The following PTPRD variants were observed in gnomAD, a reference collection of about 807,000 sequenced individuals.
The protein encoded by PTPRD is protein tyrosine phosphatase receptor type D.
In PTPRD, 34 loss-of-function variants were observed where a neutral mutation model predicts 214.5. That is an observed-to-expected ratio of 0.16 (90% CI 0.12 to 0.21). The LOEUF (loss-of-function observed/expected upper bound fraction) is 0.21. PTPRD is among the 10% of genes least tolerant of loss of function. The probability of loss-of-function intolerance (pLI) is 1.00; values close to 1 mark genes in which losing one functional copy is unlikely to be tolerated. For missense variants in PTPRD, 2,545 were observed against 2,398.7 expected, an observed-to-expected ratio of 1.06 and a Z score of -1.27; for synonymous variants, 1,128 against 845.7, an observed-to-expected ratio of 1.33 and a Z score of -5.79.
intron 9 of PTPRD, among the ~76,000 whole-genome samples, chr9:9,380,298 A>T (rs952958297): frequency 2.0e-5 from 3 of 152,102 alleles, no homozygotes; most frequent in African/African-American, 7.2e-5. Flanking sequence ...AAATATATTT[A>T]AAATTGTCTT....
chr9:10,557,421 T>C (rs1477609684), intron 2 of PTPRD, among the ~76,000 whole-genome samples: 1 of 152,150 alleles, frequency 6.6e-6, no homozygotes. Context: ...ACCTTTCTCT[T>C]TCATTGTTAT....
intron 2 of PTPRD, among the ~76,000 whole-genome samples, chr9:10,574,895 T>C (rs1472017248): frequency 6.6e-6 from 1 of 151,114 alleles, no homozygotes; most frequent in Non-Finnish European, 1.5e-5. Context: ...CCTTTTCCCA[T>C]TTGTCTACAA....
intron 2 of PTPRD, among the ~76,000 whole-genome samples, chr9:10,395,565 G>A (rs1274040130): frequency 6.6e-6 from 1 of 151,896 alleles, no homozygotes; most frequent in Non-Finnish European, 1.5e-5. Flanking sequence ...GAAATAAGAT[G>A]ATTATTGACC....
At chr9:9,020,608 A>G (rs1466626024) in intron 10 of PTPRD, among the ~76,000 whole-genome samples, 1 of 152,148 alleles carries the variant, frequency 6.6e-6, no homozygotes, top group Non-Finnish European at 1.5e-5. Flanking sequence ...AAAGACTGAG[A>G]ATATAATAAG....
chr9:10,246,474 C>T (rs2092123018), intron 3 of PTPRD, among the ~76,000 whole-genome samples: 1 of 152,146 alleles, frequency 6.6e-6, no homozygotes, highest in Non-Finnish European at 1.5e-5. Context: ...CAACTCTTGA[C>T]CTCAGGTGAT....
Position 8,404,655 on chromosome 9 carries a change from A to C in PTPRD, c.4092T>G (p.Ile1364Met), listed in dbSNP as rs1046611880. The C allele has an allele frequency of 2.5e-6, 4 of 1,609,142 alleles. No individual in the cohort carries two copies. The African/African-American group carries it at 5.3e-5, about 21-fold the overall frequency. Residue 1364 changes from isoleucine to methionine, a missense_variant, in exon 36 of 46, where the codon ATT becomes ATG. Transcript: ENST00000381196. ...CCCAAGTGAACTGCTGGCCAGGGTC[A>C]ATTGACTTTAAAAGGAAAACAACAC... The part of the protein sequence containing the change: ...NLKFSQEYES[I>M]DPGQQFTWEH...
rs146741099 is a variant in PTPRD, at chr9:8,809,834, A to G, written c.-103-75888T>C. ...CTACAAGTCTCTCCTTCTTAAAACA[A>G]TAATTGTAAGCCTTTATTCTTCACC... is the stretch of plus-strand genomic sequence containing the variant. On this transcript the variant is annotated intron_variant, in intron 11 of 45. Transcript: ENST00000381196. 6.6e-4 allele frequency among the ~76,000 whole-genome samples: 100 copies of G among 152,348 alleles called. 1 individual carries two copies. The highest frequency in any genetic ancestry group is 2.3e-3 in the African/African-American group (94 of 41,588).
intron 4 of PTPRD, among the ~76,000 whole-genome samples, chr9:9,971,698 T>C (rs748767018): frequency 1.4e-4 from 21 of 152,200 alleles, no homozygotes; most frequent in Admixed American, 1.3e-4. Flanking sequence ...GCTGTGCAAA[T>C]AGCACCACCA....
rs529867690 is a variant in PTPRD, at chr9:9,378,344, T to C, written c.-203+19105A>G. On this transcript the variant is annotated intron_variant, in intron 9 of 45. Coordinates refer to ENST00000381196, the MANE Select transcript of PTPRD (RefSeq NM_002839.4). Reference sequence around the variant, plus strand: ...ACACATTTAAGTTTCTCCTTGTCTTTTCATAGCTTGACAGATCATTTCTTT... The same window carrying C: ...ACACATTTAAGTTTCTCCTTGTCTTCTCATAGCTTGACAGATCATTTCTTT... Among the ~76,000 whole-genome samples the C allele has an allele frequency of 2.0e-5, 3 of 152,288 alleles. No homozygotes were observed. In the South Asian group the frequency reaches 6.2e-4, roughly 32 times the overall value.
chr9:9,443,676 G>A (rs140840868), intron 8 of PTPRD, among the ~76,000 whole-genome samples: 16 of 152,054 alleles, frequency 1.1e-4, no homozygotes, highest in Admixed American at 5.9e-4. Context: ...CCCTCTAGCT[G>A]TTCTCACCAA....
intron 5 of PTPRD, among the ~76,000 whole-genome samples, chr9:9,806,379 C>T (rs1367832827): frequency 2.0e-5 from 3 of 152,136 alleles, no homozygotes; most frequent in Non-Finnish European, 4.4e-5. Context: ...ATGACATTCC[C>T]CCGCCTTTCT....
At chr9:9,488,824 A>G (rs903966966) in intron 8 of PTPRD, among the ~76,000 whole-genome samples, 2 of 152,120 alleles carry the variant, frequency 1.3e-5, no homozygotes, top group African/African-American at 4.8e-5. Flanking sequence ...CCCTAGCCAC[A>G]CTGCAAGCAG....
At chr9:9,588,275 A>T (rs2092317325) in intron 7 of PTPRD, among the ~76,000 whole-genome samples, 1 of 151,902 alleles carries the variant, frequency 6.6e-6, no homozygotes, top group South Asian at 2.1e-4. Context: ...CGTCTTCATA[A>T]ATGACCTGCT....
chr9:10,421,337 T>C (rs972072194), intron 2 of PTPRD, among the ~76,000 whole-genome samples: 1 of 151,916 alleles, frequency 6.6e-6, no homozygotes, highest in African/African-American at 2.4e-5. Flanking sequence ...TTATTCTTAT[T>C]TCTACTGTAA....
At chr9:10,328,421 T>G (rs570823179) in intron 3 of PTPRD, among the ~76,000 whole-genome samples, 56 of 151,778 alleles carry the variant, frequency 3.7e-4, no homozygotes, top group Non-Finnish European at 6.3e-4. Flanking sequence ...CAGCTTTTTA[T>G]GGTTTTTCAA....
chr9:9,606,439 A>G (rs189899103), intron 7 of PTPRD, among the ~76,000 whole-genome samples: 1 of 152,084 alleles, frequency 6.6e-6, no homozygotes, highest in Admixed American at 6.6e-5. Context: ...GCTTTCAGGT[A>G]TTTACTCTCT....
At chr9:8,826,932 A>C (rs1171498629) in intron 11 of PTPRD, among the ~76,000 whole-genome samples, 1 of 152,074 alleles carries the variant, frequency 6.6e-6, no homozygotes, top group Non-Finnish European at 1.5e-5. Context: ...CGATTCCTTG[A>C]CACATGTTTC....
At chr9:8,383,855 C>G (rs570129610) in intron 37 of PTPRD, among the ~76,000 whole-genome samples, 2 of 152,256 alleles carry the variant, frequency 1.3e-5, no homozygotes, top group African/African-American at 4.8e-5. Flanking sequence ...TGAAGGCAAG[C>G]TGGTGAGGTG....
In PTPRD at chr9:9,590,311, T is replaced by C. The variant is rs530007862; in HGVS notation, c.-286-15530A>G. On this transcript the variant is annotated intron_variant, in intron 7 of 45. Transcript: ENST00000381196. ...CAGCAATCTTTGCTCCCTTTACTAA[T>C]ATATCCAAAGTGCTTAAAAGAGAGC... Among the ~76,000 whole-genome samples, 7 of 152,136 alleles carry C rather than the reference T, an allele frequency of 4.6e-5. No homozygotes were observed. In the East Asian group the frequency reaches 1.4e-3, roughly 30 times the overall value.
Sources: gnomAD v4.1 joint callset for allele counts (sites outside exome capture counted in the v4.1 genomes callset) on GRCh38, gnomAD v4.1.1 for gene constraint, MANE v1.5 for transcripts, NCBI Gene and HGNC (gene_info 2026-07-23, HGNC 2026-07-21) for gene names.